The following CACNA2D4 variants were observed in gnomAD, a reference collection of about 807,000 sequenced individuals.
The protein encoded by CACNA2D4 is voltage-dependent calcium channel subunit alpha-2/delta-4.
A neutral mutation model predicts 163.8 loss-of-function variants in CACNA2D4; 157 were observed. The observed-to-expected ratio is 0.96, with a 90% CI of 0.84 to 1.09. The LOEUF is 1.09. CACNA2D4 is among the 50% of genes least tolerant of loss of function. The pLI, the probability that CACNA2D4 is intolerant of heterozygous loss-of-function variation, is 0.00. For missense variants in CACNA2D4, 1,410 were observed against 1,479.9 expected (o/e 0.95, Z 0.78); for synonymous variants, 598 against 586.9 (o/e 1.02, Z -0.27).
chr12:1,816,827 C>A lies in CACNA2D4; in HGVS notation c.2552-5104G>T, dbSNP rs541748745. On this transcript the variant is annotated intron_variant, in intron 26 of 37. Coordinates refer to ENST00000382722, the MANE Select transcript of CACNA2D4 (RefSeq NM_172364.5). ...ATGCATGCACACACACTTGCACACACATACCCATGCACGCACACATGGACA... is the reference window on the plus strand; with the variant it reads ...ATGCATGCACACACACTTGCACACAAATACCCATGCACGCACACATGGACA... Among the ~76,000 whole-genome samples the A allele has an allele frequency of 3.3e-5, 5 of 152,316 alleles. No individual in the cohort carries two copies. In the East Asian group the frequency reaches 9.7e-4, roughly 29 times the overall value.
chr12:1,800,903 C>A, intron 31 of CACNA2D4, 140 bp downstream of exon 31: 1 of 729,362 alleles, frequency 1.4e-6, no homozygotes. Context: ...TGGCTCTGAG[C>A]AGAAGATGGA....
At chr12:1,815,456 G>A (rs1344238924) in intron 26 of CACNA2D4, among the ~76,000 whole-genome samples, 1 of 150,354 alleles carries the variant, frequency 6.7e-6, no homozygotes, top group Non-Finnish European at 1.5e-5. Flanking sequence ...CCAGCCAGGG[G>A]GACCTCCCTC....
intron 26 of CACNA2D4, chr12:1,831,612 C>A: frequency 8.4e-7 from 1 of 1,188,520 alleles, no homozygotes; most frequent in Non-Finnish European, 1.2e-6. Context: ...TGGGTGCTGA[C>A]TCAGAGAGCA....
chr12:1,816,839 C>T (rs1231567547), intron 26 of CACNA2D4, among the ~76,000 whole-genome samples: 10 of 152,270 alleles, frequency 6.6e-5, no homozygotes, highest in Non-Finnish European at 1.0e-4. Flanking sequence ...TACCCATGCA[C>T]GCACACATGG....
chr12:1,901,672 C>G (rs185477058), intron 6 of CACNA2D4, among the ~76,000 whole-genome samples: 5 of 152,192 alleles, frequency 3.3e-5, no homozygotes, highest in Admixed American at 6.5e-5. Context: ...AAATCAATAA[C>G]AAGTAATGCT....
At position 1,873,619 on chromosome 12, in the gene CACNA2D4, A is replaced by T. The variant is rs75445228; in HGVS notation, c.1878+985T>A. ...TGCTGTGGCCGTGCTGGGCTCCATG[A>T]GAGCTCATCTGTGCATGTGATCAGG... On this transcript the variant is annotated intron_variant, in intron 18 of 37. Coordinates refer to ENST00000382722, the MANE Select transcript of CACNA2D4 (RefSeq NM_172364.5). Among the ~76,000 whole-genome samples, 277 of 152,360 alleles carry T rather than the reference A, an allele frequency of 1.8e-3. 3 individuals carry two copies. The highest frequency in any genetic ancestry group is 3.4e-3 in the Middle Eastern group (1 of 294).
At chr12:1,837,192 G>A (rs188544948) in intron 26 of CACNA2D4, among the ~76,000 whole-genome samples, 58 of 152,358 alleles carry the variant, frequency 3.8e-4, no homozygotes, top group East Asian at 5.8e-4. Flanking sequence ...CTCGTGTGGC[G>A]AGAAGGCACT....
chr12:1,803,404 T>C (rs1592652913), intron 29 of CACNA2D4, among the ~76,000 whole-genome samples: 1 of 152,346 alleles, frequency 6.6e-6, no homozygotes, highest in East Asian at 1.9e-4. Context: ...AATCAGCCAA[T>C]ATGGGGCCAC....
At chr12:1,868,029 G>A (rs748262416) in intron 18 of CACNA2D4, among the ~76,000 whole-genome samples, 1 of 152,180 alleles carries the variant, frequency 6.6e-6, no homozygotes, top group African/African-American at 2.4e-5. Context: ...ATGTAGGTTG[G>A]TGCAACCACT....
intron 6 of CACNA2D4, among the ~76,000 whole-genome samples, chr12:1,899,085 T>C (rs1308090206): frequency 2.0e-5 from 3 of 152,104 alleles, no homozygotes; most frequent in Admixed American, 6.5e-5. Flanking sequence ...AGATAGTAAA[T>C]GTTTATATTA....
chr12:1,881,338 C>T (rs1865991797), intron 13 of CACNA2D4, among the ~76,000 whole-genome samples: 1 of 152,248 alleles, frequency 6.6e-6, no homozygotes, highest in Admixed American at 6.5e-5. Context: ...CACAGGGAAC[C>T]TGGGGTTGCC....
In CACNA2D4 at chr12:1,886,221, A is replaced by G; in HGVS notation, c.993+2T>C. The G allele has an allele frequency of 6.2e-7, 1 of 1,612,512 alleles. No individual in the cohort carries two copies. On this transcript the variant is annotated splice_donor_variant, in intron 8 of 37. Transcript: ENST00000382722. LOFTEE classifies it high-confidence loss of function. ...TATTCTAGAACAGGAAGGCACATTTACCGCTATGATATTAATGAAGTCATT... is the reference window on the plus strand; with the variant it reads ...TATTCTAGAACAGGAAGGCACATTTGCCGCTATGATATTAATGAAGTCATT...
At chr12:1,809,580 T>A (rs767128009) in intron 29 of CACNA2D4, 3 of 702,238 alleles carry the variant, frequency 4.3e-6, no homozygotes, top group Admixed American at 4.0e-5. Flanking sequence ...AAAGGAATAA[T>A]CCATTTTGAG....
chr12:1,867,635 T>C (rs1279156557), intron 18 of CACNA2D4, among the ~76,000 whole-genome samples: 1 of 152,162 alleles, frequency 6.6e-6, no homozygotes, highest in Admixed American at 6.5e-5. Flanking sequence ...AACCTATGGA[T>C]TGGGAGAAAA....
chr12:1,905,463 T>G (rs752504355), intron 6 of CACNA2D4, among the ~76,000 whole-genome samples: 1 of 152,100 alleles, frequency 6.6e-6, no homozygotes, highest in Non-Finnish European at 1.5e-5. Flanking sequence ...GCCCTAAAGA[T>G]TCCACAAAAA....
At chr12:1,852,762 T>G (rs967965952) in intron 23 of CACNA2D4, among the ~76,000 whole-genome samples, 1 of 152,168 alleles carries the variant, frequency 6.6e-6, no homozygotes, top group African/African-American at 2.4e-5. Flanking sequence ...GCTCCAGCCC[T>G]CTGTAGAAGG....
At position 1,799,718 on chromosome 12, in the gene CACNA2D4, A is replaced by T; in HGVS notation, c.2975-23T>A. 1.9e-6 allele frequency: 3 copies of T among 1,567,372 alleles called. No homozygotes were observed. Among genetic ancestry groups the T allele is most frequent in the Non-Finnish European group, 2.6e-6 (3 of 1,156,404 alleles). The stretch of plus-strand genomic sequence containing the variant: ...TGGCTGGCCGGAACATAAGCCCAGC[A>T]CAGGGTGGACACGGCACAGGAAAAC... On this transcript the variant is annotated intron_variant, in intron 33 of 37. Coordinates refer to ENST00000382722, the MANE Select transcript of CACNA2D4 (RefSeq NM_172364.5). This position sits in a 1 kb window ranked among gnomAD's most constrained non-coding sequence, Gnocchi z 4.7.
chr12:1,861,790 T>C (rs1052504451), intron 18 of CACNA2D4, among the ~76,000 whole-genome samples: 6 of 152,098 alleles, frequency 3.9e-5, no homozygotes, highest in Non-Finnish European at 8.8e-5. Flanking sequence ...AGATCTTCCA[T>C]GTATTACCTA....
chr12:1,800,708 C>G (rs2154445284), intron 31 of CACNA2D4: 1 of 594,726 alleles, frequency 1.7e-6, no homozygotes. Flanking sequence ...GAGTCAAGCC[C>G]TCATCCTGGT....
Sources: allele counts gnomAD v4.1 joint callset (sites outside exome capture counted in the v4.1 genomes callset), GRCh38; gene constraint gnomAD v4.1.1; non-coding constraint Gnocchi (gnomAD v3.1); transcripts MANE v1.5; gene names NCBI Gene and HGNC (gene_info 2026-07-23, HGNC 2026-07-21).